The following GPR55 variants were observed in gnomAD, a reference collection of about 807,000 sequenced individuals.
The protein encoded by GPR55 is G protein-coupled receptor 55.
Under a neutral mutation model 7.9 loss-of-function variants are expected in GPR55, and 6 were observed. The ratio of observed to expected loss-of-function variants is 0.76; its 90% CI spans 0.41 to 1.49. The LOEUF (loss-of-function observed/expected upper bound fraction) is 1.49. GPR55 is among the 40% of genes most tolerant of loss of function. The pLI is 0.01. For missense variants in GPR55, 376 were observed against 406.0 expected (o/e 0.93, Z 0.63); for synonymous variants, 183 against 166.8 (o/e 1.10, Z -0.75).
intron 1 of GPR55, among the ~76,000 whole-genome samples, chr2:230,943,087 AAG>A (rs965361716): frequency 2.0e-5 from 3 of 150,686 alleles, no homozygotes; most frequent in Admixed American, 6.6e-5. Context: ...AGAGGAGAGA[AAG>A]AGAGAGAGAG....
intron 1 of GPR55, among the ~76,000 whole-genome samples, chr2:230,953,221 C>T (rs1034393043): frequency 3.3e-5 from 5 of 152,140 alleles, no homozygotes; most frequent in African/African-American, 1.2e-4. Flanking sequence ...TCCCCTGTCC[C>T]AGTATGTCTA....
At chr2:230,938,773 C>T (rs953312260) in intron 1 of GPR55, among the ~76,000 whole-genome samples, 9 of 152,154 alleles carry the variant, frequency 5.9e-5, no homozygotes, top group African/African-American at 2.2e-4. Context: ...CGTGGCATCT[C>T]GGGACCTTGC....
At chr2:230,954,978 A>G (rs13390306) in intron 1 of GPR55, among the ~76,000 whole-genome samples, 10,689 of 152,244 alleles carry the variant, frequency 0.07, 815 homozygotes, top group East Asian at 0.4. Flanking sequence ...TCATCCAACA[A>G]TTGGAATTGG....
At chr2:230,931,670 G>A (rs945707579) in intron 1 of GPR55, among the ~76,000 whole-genome samples, 4 of 152,052 alleles carry the variant, frequency 2.6e-5, no homozygotes, top group African/African-American at 4.8e-5. Flanking sequence ...CTGCACCCAC[G>A]AGGGCCCCAC....
At chr2:230,919,317 A>T (rs372690494) in intron 1 of GPR55, among the ~76,000 whole-genome samples, 4 of 152,194 alleles carry the variant, frequency 2.6e-5, no homozygotes, top group Admixed American at 2.0e-4. Context: ...CTGCACAAAA[A>T]AAATTCTTTT....
chr2:230,927,134 T>G (rs1283470807), upstream of GPR55, among the ~76,000 whole-genome samples: 1 of 152,212 alleles, frequency 6.6e-6, no homozygotes, highest in African/African-American at 2.4e-5. Context: ...GTCCCACTCC[T>G]AAATCCAGCT....
At chr2:230,926,718 C>G (rs1690949662), upstream of GPR55, among the ~76,000 whole-genome samples, 1 of 132,618 alleles carries the variant, frequency 7.5e-6, no homozygotes, top group African/African-American at 2.8e-5. Context: ...GATACAGAGT[C>G]TCGCTCTGTT....
chr2:230,951,444 A>G (rs866066000), intron 1 of GPR55, among the ~76,000 whole-genome samples: 1 of 152,228 alleles, frequency 6.6e-6, no homozygotes, highest in Non-Finnish European at 1.5e-5. Context: ...TCAAAGAACT[A>G]AAAATGAAAA....
At chr2:230,916,164 A>C (rs916269277) in intron 1 of GPR55, among the ~76,000 whole-genome samples, 10 of 152,146 alleles carry the variant, frequency 6.6e-5, no homozygotes, top group African/African-American at 2.2e-4. Flanking sequence ...ACTCGAGCCC[A>C]GGAGTTTGAG....
Position 230,909,112 on chromosome 2 carries a change from A to C in GPR55, c.*891T>G, listed in dbSNP as rs1449185390. The C allele has an allele frequency of 6.6e-6, 1 of 152,404 alleles. No individual in the cohort carries two copies. Among genetic ancestry groups the C allele is most frequent in the Non-Finnish European group, 1.5e-5 (1 of 68,196 alleles). 9.4% of individuals were successfully genotyped at this position (152,404 alleles called of 1,614,324 possible). On this transcript the variant is annotated 3_prime_UTR_variant, in exon 2 of 2. Transcript: ENST00000650999. ...TAATGAGCAACTTCCCAGTCTGTTTAAGATAGAAAGCAGGTCGGGGTCTCC... is the reference window on the plus strand; with the variant it reads ...TAATGAGCAACTTCCCAGTCTGTTTCAGATAGAAAGCAGGTCGGGGTCTCC...
upstream of GPR55, among the ~76,000 whole-genome samples, chr2:230,929,221 G>T (rs990169726): frequency 6.6e-6 from 1 of 152,000 alleles, no homozygotes; most frequent in Non-Finnish European, 1.5e-5. Flanking sequence ...TATACCACAC[G>T]AAGCCCGTTC....
intron 1 of GPR55, among the ~76,000 whole-genome samples, chr2:230,946,719 G>A (rs1014423841): frequency 6.6e-6 from 1 of 152,248 alleles, no homozygotes; most frequent in Non-Finnish European, 1.5e-5. Flanking sequence ...TCCCACTGCA[G>A]CCCACACCTG....
At position 230,909,781 on chromosome 2, in the gene GPR55, T is replaced by G; in HGVS notation, c.*222A>C. On this transcript the variant is annotated 3_prime_UTR_variant, in exon 2 of 2. Coordinates refer to ENST00000650999, the MANE Select transcript of GPR55 (RefSeq NM_005683.4). ...ATCAGTAATTCACCTGGTCTGTGGG[T>G]TCTTCAGAGATCCCTGAACACTGGG... is the stretch of plus-strand genomic sequence containing the variant. 1 of 543,856 alleles carries G rather than the reference T, an allele frequency of 1.8e-6. No individual in the cohort carries two copies. The highest frequency in any genetic ancestry group is 2.9e-5 in the East Asian group (1 of 34,112). 33.7% of individuals were successfully genotyped at this position (543,856 alleles called of 1,614,324 possible).
chr2:230,955,693 A>C (rs1691472675), intron 1 of GPR55, among the ~76,000 whole-genome samples: 1 of 149,896 alleles, frequency 6.7e-6, no homozygotes, highest in African/African-American at 2.5e-5. Context: ...ACAGCCAGAA[A>C]AGATTATGCC....
At chr2:230,917,786 G>A (rs1690749143) in intron 1 of GPR55, among the ~76,000 whole-genome samples, 1 of 152,130 alleles carries the variant, frequency 6.6e-6, no homozygotes, top group South Asian at 2.1e-4. Context: ...CTACCCTTTA[G>A]CCTGGGCAAC....
chr2:230,944,143 G>T lies in GPR55; in HGVS notation c.-135+16632C>A, dbSNP rs550498557. ...TCATTACACACACAACAGCATCTTG[G>T]TCCCAGATGCCGGGTCCCAGAGAGG... On this transcript the variant is annotated intron_variant, in intron 1 of 1. Coordinates refer to the GPR55 transcript ENST00000392039. This position sits in a 1 kb window ranked among gnomAD's most constrained non-coding sequence, Gnocchi z 4.2. Among the ~76,000 whole-genome samples the T allele has an allele frequency of 3.3e-5, 5 of 152,310 alleles. No individual in the cohort carries two copies. The East Asian group carries it at 9.6e-4, about 29-fold the overall frequency.
chr2:230,920,628 G>A (rs533867870), intron 1 of GPR55, among the ~76,000 whole-genome samples: 1 of 152,280 alleles, frequency 6.6e-6, no homozygotes, highest in Admixed American at 6.5e-5. Flanking sequence ...GTAGGTGAAG[G>A]TAAGAAAAGA....
chr2:230,920,363 T>A (rs918356564), intron 1 of GPR55, among the ~76,000 whole-genome samples: 1 of 151,952 alleles, frequency 6.6e-6, no homozygotes. Flanking sequence ...GGGTCAGAGA[T>A]GAGCATTTCA....
At chr2:230,951,155 C>T (rs1173948540) in intron 1 of GPR55, among the ~76,000 whole-genome samples, 2 of 152,174 alleles carry the variant, frequency 1.3e-5, no homozygotes, top group Non-Finnish European at 2.9e-5. Flanking sequence ...TCAGAAGTTC[C>T]GAAGGGCCAG....
Sources: gnomAD v4.1 joint callset for allele counts (sites outside exome capture counted in the v4.1 genomes callset) on GRCh38, gnomAD v4.1.1 for gene constraint, Gnocchi (gnomAD v3.1) non-coding constraint, MANE v1.5 for transcripts, NCBI Gene and HGNC (gene_info 2026-07-23, HGNC 2026-07-21) for gene names.